Variants in ZNF366 observed in about 807,000 individuals in gnomAD.
ZNF366 encodes the protein zinc finger protein 366.
A neutral mutation model predicts 47.2 loss-of-function variants in ZNF366; 20 were observed. That is an observed-to-expected ratio of 0.42 (90% CI 0.30 to 0.62). The LOEUF is 0.62. Ranked by LOEUF, ZNF366 falls within the 20% of genes least tolerant of loss-of-function variation. The pLI is 0.16. For missense variants in ZNF366, 987 were observed against 976.3 expected, an observed-to-expected ratio of 1.01 and a Z score of -0.15; for synonymous variants, 421 against 395.1, an observed-to-expected ratio of 1.07 and a Z score of -0.78.
At chr5:72,463,969 C>A (rs901470767) in intron 1 of ZNF366, among the ~76,000 whole-genome samples, 3 of 152,104 alleles carry the variant, frequency 2.0e-5, no homozygotes, top group Admixed American at 1.3e-4. Context: ...CGGTTTATAA[C>A]CCCTTGAGAG....
intron 3 of ZNF366, 134 bp from the exon 4 acceptor site, chr5:72,447,551 A>G: frequency 9.2e-7 from 1 of 1,082,478 alleles, no homozygotes; most frequent in Non-Finnish European, 1.3e-6. Context: ...AAATGTCCAT[A>G]AGGAAATCAG....
chr5:72,506,042 T>C (rs1289114409), intron 1 of ZNF366, among the ~76,000 whole-genome samples: 1 of 152,228 alleles, frequency 6.6e-6, no homozygotes, highest in Middle Eastern at 3.2e-3. Flanking sequence ...AAGATGATGG[T>C]TCAATTTTGA....
intron 4 of ZNF366, 74 bp downstream of exon 4, chr5:72,447,169 C>A: frequency 2.6e-6 from 4 of 1,537,558 alleles, no homozygotes; most frequent in Admixed American, 1.7e-5. Flanking sequence ...CAAGGTAATG[C>A]CCCATAAAAC....
intron 2 of ZNF366, among the ~76,000 whole-genome samples, chr5:72,458,551 T>C (rs1296673152): frequency 1.3e-5 from 2 of 151,338 alleles, no homozygotes; most frequent in Non-Finnish European, 2.9e-5. Flanking sequence ...AATCACAGAG[T>C]CGGAGCCTGT....
intron 1 of ZNF366, among the ~76,000 whole-genome samples, chr5:72,464,869 G>T (rs938552414): frequency 6.6e-6 from 1 of 151,940 alleles, no homozygotes; most frequent in East Asian, 1.9e-4. Flanking sequence ...GACCAGCCTG[G>T]CCAAGATGGT....
At chr5:72,445,570 G>T (rs1006265176) in intron 4 of ZNF366, among the ~76,000 whole-genome samples, 3 of 152,194 alleles carry the variant, frequency 2.0e-5, no homozygotes, top group Non-Finnish European at 2.9e-5. Flanking sequence ...TTGAAAGTCT[G>T]TTAAAATTTT....
At chr5:72,489,929 A>C (rs1743971489) in intron 1 of ZNF366, among the ~76,000 whole-genome samples, 2 of 152,262 alleles carry the variant, frequency 1.3e-5, no homozygotes, top group Admixed American at 1.3e-4. Context: ...TGGAATCAGG[A>C]TACAGGCATC....
chr5:72,463,995 T>G (rs1162912728), intron 1 of ZNF366, among the ~76,000 whole-genome samples: 1 of 152,206 alleles, frequency 6.6e-6, no homozygotes, highest in African/African-American at 2.4e-5. Flanking sequence ...TTTCTTTTAG[T>G]AGAAAGGCTG....
chr5:72,463,094 G>C (rs959052427), intron 1 of ZNF366, among the ~76,000 whole-genome samples: 2 of 152,248 alleles, frequency 1.3e-5, no homozygotes, highest in Admixed American at 1.3e-4. Flanking sequence ...CCTTGGGATT[G>C]TCTACAAACA....
At chr5:72,459,636 G>T (rs1263995812) in intron 2 of ZNF366, among the ~76,000 whole-genome samples, 2 of 152,170 alleles carry the variant, frequency 1.3e-5, no homozygotes, top group African/African-American at 4.8e-5. Flanking sequence ...AGGCCCTGCC[G>T]GCCTCAGCCA....
chr5:72,459,925 C>A (rs2112326986), intron 2 of ZNF366, among the ~76,000 whole-genome samples: 1 of 152,348 alleles, frequency 6.6e-6, no homozygotes, highest in African/African-American at 2.4e-5. Context: ...TTATTTATTT[C>A]TAGGCCTACC....
chr5:72,453,786 C>T (rs1477536639), intron 3 of ZNF366, among the ~76,000 whole-genome samples: 1 of 152,230 alleles, frequency 6.6e-6, no homozygotes, highest in African/African-American at 2.4e-5. Context: ...TGAGCACTGT[C>T]TCAGAGACAG....
In ZNF366 at chr5:72,460,231, G is replaced by T. The variant is rs770873073; in HGVS notation, c.1266C>A (p.Ile422=). 2.5e-6 allele frequency: 4 copies of T among 1,614,270 alleles called. No homozygotes were observed. The highest frequency in any genetic ancestry group is 3.3e-5 in the Admixed American group (2 of 60,032). ...CAAACTCCATGCCACACTCTGAGCA[G>T]ATGTAGGGCCGGATGTCCTTGTGCT... is the stretch of plus-strand genomic sequence containing the variant. ...MMKHKDIRPY[I]CSECGMEFVQ... The change falls in exon 2 of 5, where the codon ATC becomes ATA. Residue 422 remains isoleucine (I), a synonymous_variant. Coordinates refer to ENST00000318442, the MANE Select transcript of ZNF366 (RefSeq NM_152625.3).
chr5:72,502,690 A>C (rs1056351491), intron 1 of ZNF366, among the ~76,000 whole-genome samples: 39 of 152,380 alleles, frequency 2.6e-4, no homozygotes, highest in African/African-American at 9.1e-4. Flanking sequence ...GTTGTAAAAA[A>C]ATAAGAAACA....
chr5:72,485,746 G>A (rs58402722), intron 1 of ZNF366, among the ~76,000 whole-genome samples: 2,277 of 152,250 alleles, frequency 0.015, 33 homozygotes, highest in African/African-American at 0.034. Context: ...AGTCCGCGCC[G>A]TGGCCTACAA....
chr5:72,470,798 C>T (rs537966842), intron 1 of ZNF366, among the ~76,000 whole-genome samples: 2 of 152,312 alleles, frequency 1.3e-5, no homozygotes, highest in Middle Eastern at 3.4e-3. Context: ...AGAACATCTC[C>T]CATGAGGAAG....
intron 1 of ZNF366, among the ~76,000 whole-genome samples, chr5:72,499,448 A>G (rs1744168532): frequency 6.6e-6 from 1 of 150,504 alleles, no homozygotes; most frequent in African/African-American, 2.5e-5. Flanking sequence ...TCACCCTAAG[A>G]ATTCAAATTC....
chr5:72,474,802 T>A (rs1437994795), intron 1 of ZNF366, among the ~76,000 whole-genome samples: 3 of 152,204 alleles, frequency 2.0e-5, no homozygotes, highest in Non-Finnish European at 1.5e-5. Context: ...AATTTCCTTC[T>A]CTGTATGGAA....
intron 1 of ZNF366, among the ~76,000 whole-genome samples, chr5:72,488,925 T>C (rs1743948901): frequency 6.6e-6 from 1 of 152,260 alleles, no homozygotes; most frequent in Non-Finnish European, 1.5e-5. Context: ...ACTTTATTCA[T>C]GAAATATTTC....
Sources: gnomAD v4.1 joint callset for allele counts (sites outside exome capture counted in the v4.1 genomes callset) on GRCh38, gnomAD v4.1.1 for gene constraint, MANE v1.5 for transcripts, NCBI Gene and HGNC (gene_info 2026-07-23, HGNC 2026-07-21) for gene names.